ANKRD6: variants seen among roughly 807,000 people sequenced by gnomAD.
ANKRD6 encodes ankyrin repeat domain-containing protein 6.
Under a neutral mutation model 82.3 loss-of-function variants are expected in ANKRD6, and 56 were observed. The observed-to-expected ratio is 0.68, with a 90% CI of 0.55 to 0.85. The LOEUF (loss-of-function observed/expected upper bound fraction) is 0.85, where lower values mean the gene tolerates loss of function less well. Among genes scored for constraint, ANKRD6 ranks in the 40% least tolerant of loss-of-function variants. ANKRD6 has a pLI of 0.00. For missense variants in ANKRD6, 852 were observed against 907.6 expected (o/e 0.94, Z 0.79); for synonymous variants, 347 against 352.1 (o/e 0.99, Z 0.16).
rs1211556334 is a variant in ANKRD6 at position 89,616,564 on chromosome 6, A to T, written c.621A>T (p.Gly207=). Residue 207 remains glycine, a synonymous_variant, in exon 8 of 16, where the codon GGA becomes GGT. Transcript: ENST00000339746. ...GACCTTCTAATCAATTCCAGGCTGG[A>T]GACACAGCACTTCACGTTGCTGCTG... ...FCSVHEKNQA[G]DTALHVAAAL... is the part of the protein sequence containing the mutation. 2 of 1,613,932 alleles carry T rather than the reference A, an allele frequency of 1.2e-6. No homozygotes were observed. The highest frequency in any genetic ancestry group is 3.3e-5 in the Admixed American group (2 of 60,010).
intron 1 of ANKRD6, among the ~76,000 whole-genome samples, chr6:89,510,290 C>G (rs1392103285): frequency 6.6e-6 from 1 of 151,992 alleles, no homozygotes; most frequent in Non-Finnish European, 1.5e-5. Context: ...ATAATTTAGC[C>G]TATCTTGAGT....
rs1027391729 is a variant in ANKRD6 at position 89,466,054 on chromosome 6, A to G, written c.-144+32679A>G. Among the ~76,000 whole-genome samples the G allele has an allele frequency of 2.0e-5, 3 of 152,030 alleles. No homozygotes were observed. The South Asian group carries it at 6.2e-4, about 32-fold the overall frequency. On this transcript the variant is annotated intron_variant, in intron 1 of 15. Coordinates refer to ENST00000339746, the MANE Select transcript of ANKRD6 (RefSeq NM_001242809.2). ...GTCTTTCTACCCATAGGTAACCACT[A>G]TTTCTTGTATATTTTTTTGTATACA...
intron 1 of ANKRD6, among the ~76,000 whole-genome samples, chr6:89,482,442 A>G (rs140536672): frequency 5.9e-5 from 9 of 152,212 alleles, no homozygotes; most frequent in African/African-American, 1.9e-4. Context: ...TTTTAAATCA[A>G]TTTTTTTATT....
intron 1 of ANKRD6, among the ~76,000 whole-genome samples, chr6:89,489,501 C>T (rs1043351244): frequency 6.6e-6 from 1 of 152,188 alleles, no homozygotes; most frequent in African/African-American, 2.4e-5. Context: ...TAAATGTCTC[C>T]ACTCAGTCTC....
At chr6:89,605,206 AC>A (rs1798229456) in intron 4 of ANKRD6, among the ~76,000 whole-genome samples, 1 of 152,126 alleles carries the variant, frequency 6.6e-6, no homozygotes, top group Admixed American at 6.5e-5. Flanking sequence ...ACATAGTGAA[AC>A]CCTGTCTCTA....
chr6:89,551,463 C>T (rs1305953254), intron 1 of ANKRD6, among the ~76,000 whole-genome samples: 1 of 152,132 alleles, frequency 6.6e-6, no homozygotes, highest in African/African-American at 2.4e-5. Flanking sequence ...GGGAGATCCC[C>T]CAGGAAAAGG....
rs1372497297 is a variant in ANKRD6 at position 89,555,093 on chromosome 6, CCT to C, written c.-143-11735_-143-11734del. Among the ~76,000 whole-genome samples, 698 of 123,178 alleles carry C rather than the reference CCT, an allele frequency of 5.7e-3. 14 individuals carry two copies. The highest frequency in any genetic ancestry group is 0.02 in the African/African-American group (645 of 32,198). 80.8% of individuals were successfully genotyped at this position (123,178 alleles called of 152,430 possible). ...TCTTCTCATCCTCTCCTCCCTCCCC[CCT>C]CTCTCCCCCCTCCCCCGCCTCAGCG... On this transcript the variant is annotated intron_variant, in intron 1 of 15. Transcript: ENST00000339746.
intron 2 of ANKRD6, among the ~76,000 whole-genome samples, chr6:89,586,089 C>A (rs1376270650): frequency 6.6e-6 from 1 of 152,152 alleles, no homozygotes; most frequent in Admixed American, 6.5e-5. Flanking sequence ...ACACCAATCT[C>A]AATTATGAAT....
At chr6:89,577,189 C>T (rs1016899869) in intron 2 of ANKRD6, among the ~76,000 whole-genome samples, 3 of 151,834 alleles carry the variant, frequency 2.0e-5, no homozygotes, top group Non-Finnish European at 4.4e-5. Flanking sequence ...CATTTGTGCA[C>T]ACCTCAAGCA....
At chr6:89,472,789 C>A (rs560141048) in intron 1 of ANKRD6, among the ~76,000 whole-genome samples, 1 of 152,122 alleles carries the variant, frequency 6.6e-6, no homozygotes, top group Non-Finnish European at 1.5e-5. Flanking sequence ...TCTGCCGGTG[C>A]CCTGGTTACC....
At chr6:89,486,308 G>C (rs1039082232) in intron 1 of ANKRD6, among the ~76,000 whole-genome samples, 2 of 152,128 alleles carry the variant, frequency 1.3e-5, no homozygotes, top group South Asian at 4.1e-4. Context: ...CAGTAATGGT[G>C]CTGGGACATT....
intron 5 of ANKRD6, among the ~76,000 whole-genome samples, chr6:89,608,368 C>CACACACACACTATATATATATATATATA: frequency 1.5e-5 from 2 of 130,752 alleles, no homozygotes; most frequent in Admixed American, 7.4e-5. Flanking sequence ...CACACACACA[C>CACACACACACTATATATATATATATATA]TATATATATA....
At chr6:89,604,180 T>C (rs1797953094) in intron 4 of ANKRD6, among the ~76,000 whole-genome samples, 1 of 151,996 alleles carries the variant, frequency 6.6e-6, no homozygotes, top group African/African-American at 2.4e-5. Flanking sequence ...TACAAAAAAT[T>C]AGCAGGGCAT....
chr6:89,449,519 G>T (rs1361945219), intron 1 of ANKRD6, among the ~76,000 whole-genome samples: 1 of 152,198 alleles, frequency 6.6e-6, no homozygotes, highest in Non-Finnish European at 1.5e-5. Context: ...GCTCATGTTT[G>T]CATGGCTGAG....
chr6:89,520,840 A>G (rs1781803051), intron 1 of ANKRD6, among the ~76,000 whole-genome samples: 1 of 152,202 alleles, frequency 6.6e-6, no homozygotes, highest in African/African-American at 2.4e-5. Context: ...GGTGGCTCAC[A>G]CTTGTAATCC....
At position 89,627,699 on chromosome 6, in the gene ANKRD6, A is replaced by G. The variant is rs1449258172; in HGVS notation, c.1485+3A>G. 6.2e-7 allele frequency: 1 copy of G among 1,613,454 alleles called. No individual in the cohort carries two copies. Among genetic ancestry groups the G allele is most frequent in the East Asian group, 2.2e-5 (1 of 44,862 alleles). ...AGCATGAGGGGGAGAAACGACAGGT[A>G]GGAACCAGCATCTGCTAGTCCTTAA... On this transcript the variant is annotated splice_donor_region_variant and intron_variant, in intron 14 of 15. Coordinates refer to ENST00000339746, the MANE Select transcript of ANKRD6 (RefSeq NM_001242809.2).
intron 1 of ANKRD6, chr6:89,483,526 C>G (rs1429350932): frequency 6.6e-6 from 1 of 152,266 alleles, no homozygotes; most frequent in Non-Finnish European, 1.5e-5. Context: ...CTTTGTGAGG[C>G]CTGGGCCATC....
At chr6:89,441,165 T>A (rs1771328519) in intron 1 of ANKRD6, among the ~76,000 whole-genome samples, 1 of 152,216 alleles carries the variant, frequency 6.6e-6, no homozygotes, top group South Asian at 2.1e-4. Context: ...TCTTCTTTTT[T>A]TTTGAGACAG....
intron 1 of ANKRD6, among the ~76,000 whole-genome samples, chr6:89,478,887 G>T (rs1394580422): frequency 6.6e-6 from 1 of 151,692 alleles, no homozygotes; most frequent in African/African-American, 2.4e-5. Flanking sequence ...AAGAAGAGGG[G>T]CCTGAAAAGA....
Sources: allele counts gnomAD v4.1 joint callset (sites outside exome capture counted in the v4.1 genomes callset), GRCh38; gene constraint gnomAD v4.1.1; transcripts MANE v1.5; gene names NCBI Gene and HGNC (gene_info 2026-07-23, HGNC 2026-07-21).